Variants in AAAS observed in about 807,000 individuals in gnomAD.
AAAS encodes the protein aladin WD repeat nucleoporin.
AAAS carries 60 observed loss-of-function variants against 75.6 expected under a neutral mutation model. The ratio of observed to expected loss-of-function variants is 0.79; its 90% CI spans 0.64 to 0.98. AAAS has a LOEUF of 0.98. AAAS is among the 50% of genes least tolerant of loss of function. The probability of loss-of-function intolerance (pLI) is 0.00; values close to 1 mark genes in which losing one functional copy is unlikely to be tolerated. For synonymous variants in AAAS, 271 were observed against 265.0 expected (o/e 1.02, Z -0.22); for missense variants, 658 against 686.9 (o/e 0.96, Z 0.47).
rs1388147208 is a variant in AAAS at position 53,307,677 on chromosome 12, AC to A, written c.1452del (p.Tyr485ThrfsTer66). ...WSTGRIAHIP[L>X]YFVNAQFPRF... is the part of the protein sequence containing the mutation. The stretch of plus-strand genomic sequence containing the variant: ...CGTGGAAACTGGGCATTGACAAAGT[AC>A]AGCGGGATGTGGGCAATTCGGCCTG... On this transcript the variant is annotated frameshift_variant, in exon 16 of 16. Transcript: ENST00000209873. LOFTEE classifies it high-confidence loss of function. 1 of 1,614,198 alleles carries A rather than the reference AC, an allele frequency of 6.2e-7. No homozygotes were observed. The highest frequency in any genetic ancestry group is 1.1e-5 in the South Asian group (1 of 91,086).
At chr12:53,314,552 G>A in intron 6 of AAAS, 111 bp from the exon 7 acceptor site, 1 of 1,499,588 alleles carries the variant, frequency 6.7e-7, no homozygotes, top group Non-Finnish European at 9.2e-7. Flanking sequence ...CCATCCAGGG[G>A]CCAGGGGCAC....
At chr12:53,321,257 T>C (rs1282019916) in intron 1 of AAAS, 86 bp downstream of exon 1, 2 of 1,564,698 alleles carry the variant, frequency 1.3e-6, no homozygotes, top group Non-Finnish European at 1.7e-6. Context: ...TCTGTGACCC[T>C]GCCCCTGTCA....
chr12:53,313,330 A>T (rs1257055366), intron 7 of AAAS, among the ~76,000 whole-genome samples: 3 of 151,154 alleles, frequency 2.0e-5, no homozygotes, highest in Admixed American at 1.3e-4. Context: ...CGTCCAGCTA[A>T]TTTTTTTGTA....
chr12:53,320,230 G>A (rs1302447619), intron 2 of AAAS, among the ~76,000 whole-genome samples: 1 of 152,192 alleles, frequency 6.6e-6, no homozygotes, highest in Non-Finnish European at 1.5e-5. Context: ...ATCTTGCTGA[G>A]CTTCAGGTAA....
rs745984449 is a variant in AAAS at position 53,307,612 on chromosome 12, A to T, written c.1518T>A (p.Ala506=). 3 of 1,614,138 alleles carry T rather than the reference A, an allele frequency of 1.9e-6. No homozygotes were observed. Among genetic ancestry groups the T allele is most frequent in the Non-Finnish European group, 2.5e-6 (3 of 1,179,956 alleles). The change falls in exon 16 of 16, where the codon GCT becomes GCA. Residue 506 remains alanine, a synonymous_variant. Transcript: ENST00000209873. ...GGTCATGAATAGAGCCTCCACCCCC[A>T]GCAGGGGGTTCCTGGGCCCGCCCAA... ...PVLGRAQEPP[A]GGGGSIHDLP...
Position 53,320,577 on chromosome 12 carries a change from C to T in AAAS, c.239G>A (p.Cys80Tyr), listed in dbSNP as rs747363187. ...TGCCATGCCTCACCAAATGTTGATG[C>T]ATCTCTTCCACACTTGCTCCCGGTG... ...IHHREQVWKR[C>Y]INIWRDVGLF... Residue 80 changes from cysteine (C) to tyrosine (Y), a missense_variant, in exon 2 of 16, where the codon TGC becomes TAC. Transcript: ENST00000209873. The T allele has an allele frequency of 6.2e-7, 1 of 1,613,942 alleles. No individual in the cohort carries two copies. Among genetic ancestry groups the T allele is most frequent in the South Asian group, 1.1e-5 (1 of 91,060 alleles).
chr12:53,314,155 C>A lies in AAAS; in HGVS notation c.689+143G>T. 3.2e-6 allele frequency: 4 copies of A among 1,256,594 alleles called. No homozygotes were observed. The South Asian group carries it at 4.9e-5, about 15-fold the overall frequency. The allele number at this position is 1,256,594 out of a possible 1,614,324, so 77.8% of individuals were successfully genotyped here. On this transcript the variant is annotated intron_variant, in intron 7 of 15. Coordinates refer to ENST00000209873, the MANE Select transcript of AAAS (RefSeq NM_015665.6). Reference sequence around the variant, plus strand: ...AGATTAGAGTATTCTCAGCAACCCACCTTGATCTTACTTCTGCTTTTCCCA... The same window carrying A: ...AGATTAGAGTATTCTCAGCAACCCAACTTGATCTTACTTCTGCTTTTCCCA...
rs761375920 is a variant in AAAS, at chr12:53,307,532, C to T, written c.1598G>A (p.Gly533Glu). Residue 533 changes from glycine to glutamate, a missense_variant, in exon 16 of 16, where the codon GGG becomes GAG. Transcript: ENST00000209873. ...GGAGTGGGGCAGAACAGGTGGTGGC[C>T]CTGGGAGAGGGTCCCAAGGGGCAGA... Reference protein sequence around the residue: ...PTSAPWDPLPGPPPVLPHSPH... With the variant: ...PTSAPWDPLPEPPPVLPHSPH... 2.5e-6 allele frequency: 4 copies of T among 1,614,084 alleles called. No homozygotes were observed. Among genetic ancestry groups the T allele is most frequent in the Non-Finnish European group, 3.4e-6 (4 of 1,179,988 alleles).
rs1745022731 is a variant in AAAS at position 53,309,245 on chromosome 12, G to A, written c.847C>T (p.Pro283Ser). 4 of 1,613,980 alleles carry A rather than the reference G, an allele frequency of 2.5e-6. No homozygotes were observed. The highest frequency in any genetic ancestry group is 3.4e-6 in the Non-Finnish European group (4 of 1,180,036). Residue 283 changes from proline to serine, a missense_variant, in exon 9 of 16, where the codon CCC becomes TCC. By Grantham distance (74) the Pro-to-Ser change is moderately conservative (BLOSUM62 -1). Transcript: ENST00000209873. ...GTCACCCCACCTCCTCGGAACCAGG[G>A]AAGGGGGACACAGGTCTCTGTTGAG... ...DVSTETCVPL[P>S]WFRGGGVTNL... is the part of the protein sequence containing the mutation.
At chr12:53,312,867 T>A (rs1944412087) in intron 7 of AAAS, among the ~76,000 whole-genome samples, 1 of 149,664 alleles carries the variant, frequency 6.7e-6, no homozygotes, top group African/African-American at 2.4e-5. Context: ...TATATATTTT[T>A]TTTTTTTGAG....
chr12:53,319,849 G>A (rs1346132161), intron 2 of AAAS, among the ~76,000 whole-genome samples: 1 of 147,806 alleles, frequency 6.8e-6, no homozygotes, highest in Admixed American at 6.7e-5. Context: ...AGCCGGGCGC[G>A]GTGGCTCACG....
Position 53,309,890 on chromosome 12 carries a change from C to T in AAAS, c.690-169G>A, listed in dbSNP as rs574389723. On this transcript the variant is annotated intron_variant, in intron 7 of 15. Coordinates refer to ENST00000209873, the MANE Select transcript of AAAS (RefSeq NM_015665.6). ...TGTGAAAGTTAAAAGAAAAAAACAGCGAAGGGGAAAAACGACCAAGTCACC... is the reference window on the plus strand; with the variant it reads ...TGTGAAAGTTAAAAGAAAAAAACAGTGAAGGGGAAAAACGACCAAGTCACC... The T allele has an allele frequency of 6.3e-6, 7 of 1,106,960 alleles. No homozygotes were observed. In the East Asian group the frequency reaches 7.8e-5, roughly 12 times the overall value. The allele number at this position is 1,106,960 out of a possible 1,614,324, so 68.6% of individuals were successfully genotyped here.
At chr12:53,314,629 A>G in intron 6 of AAAS, 122 bp downstream of exon 6, 2 of 1,329,932 alleles carry the variant, frequency 1.5e-6, no homozygotes, top group Non-Finnish European at 2.1e-6. Context: ...AGCTTCCCTG[A>G]CCCCAGTTCT....
chr12:53,308,529 C>T lies in AAAS; in HGVS notation c.1088-1G>A. ...CCTCCAACGCACCCCTTTCCCTCACCTGTGGACAAATAAGAGCAGAGAGGT... is the reference window on the plus strand; with the variant it reads ...CCTCCAACGCACCCCTTTCCCTCACTTGTGGACAAATAAGAGCAGAGAGGT... On this transcript the variant is annotated splice_acceptor_variant, in intron 11 of 15. Coordinates refer to ENST00000209873, the MANE Select transcript of AAAS (RefSeq NM_015665.6). LOFTEE classifies it high-confidence loss of function. 6.2e-7 allele frequency: 1 copy of T among 1,614,168 alleles called. No individual in the cohort carries two copies. The highest frequency in any genetic ancestry group is 1.1e-5 in the South Asian group (1 of 91,088).
chr12:53,315,785 G>C lies in AAAS; in HGVS notation c.252-3C>G. Reference sequence around the variant, plus strand: ...CCCCAAAAAGGCCCACATCACGCCTGATAAGGGAGGAAAATGTGGGTCAGC... The same window carrying C: ...CCCCAAAAAGGCCCACATCACGCCTCATAAGGGAGGAAAATGTGGGTCAGC... On this transcript the variant is annotated splice_polypyrimidine_tract_variant and splice_region_variant and intron_variant, in intron 2 of 15. Coordinates refer to ENST00000209873, the MANE Select transcript of AAAS (RefSeq NM_015665.6). 6.2e-7 allele frequency: 1 copy of C among 1,613,624 alleles called. No homozygotes were observed. The highest frequency in any genetic ancestry group is 8.5e-7 in the Non-Finnish European group (1 of 1,179,812).
At chr12:53,317,699 G>A (rs1592521555) in intron 2 of AAAS, among the ~76,000 whole-genome samples, 1 of 151,812 alleles carries the variant, frequency 6.6e-6, no homozygotes, top group African/African-American at 2.4e-5. Flanking sequence ...CTGAGATCAC[G>A]CCACTGCACT....
In AAAS at chr12:53,309,725, G is replaced by A. The variant is rs145478740; in HGVS notation, c.690-4C>T. ...TTGGGCACAGCCAGAAGAGGGTCTG[G>A]AGGGGAACACAGAGGATGTGGAGTC... On this transcript the variant is annotated splice_region_variant and splice_polypyrimidine_tract_variant and intron_variant, in intron 7 of 15. Coordinates refer to ENST00000209873, the MANE Select transcript of AAAS (RefSeq NM_015665.6). The A allele has an allele frequency of 4.0e-5, 64 of 1,612,888 alleles. No individual in the cohort carries two copies. The East Asian group carries it at 9.8e-4, about 25-fold the overall frequency.
At chr12:53,315,918 T>A (rs1390781153) in intron 2 of AAAS, 136 bp from the exon 3 acceptor site, 8 of 932,114 alleles carry the variant, frequency 8.6e-6, no homozygotes. Context: ...TACCAGGCAC[T>A]CTACGGGCTG....
At chr12:53,314,568 G>C (rs1462026314) in intron 6 of AAAS, 127 bp from the exon 7 acceptor site, 1 of 1,417,766 alleles carries the variant, frequency 7.1e-7, no homozygotes, top group Non-Finnish European at 9.8e-7. Context: ...GGCACCATAG[G>C]ACAGGAGGGG....
Sources: gnomAD v4.1 joint callset for allele counts (sites outside exome capture counted in the v4.1 genomes callset) on GRCh38, gnomAD v4.1.1 for gene constraint, MANE v1.5 for transcripts, NCBI Gene and HGNC (gene_info 2026-07-23, HGNC 2026-07-21) for gene names.